The following POC1B variants were observed in gnomAD, a reference collection of about 807,000 sequenced individuals.
POC1B encodes POC1 centriolar protein homolog B.
A neutral mutation model predicts 60.6 loss-of-function variants in POC1B; 44 were observed. That is an observed-to-expected ratio of 0.73 (90% confidence interval 0.57 to 0.93). The LOEUF (loss-of-function observed/expected upper bound fraction) is 0.93. Ranked by LOEUF, POC1B falls within the 40% of genes least tolerant of loss-of-function variation. The probability of loss-of-function intolerance (pLI) is 0.00; values close to 1 mark genes in which losing one functional copy is unlikely to be tolerated. For synonymous variants in POC1B, 180 were observed against 198.9 expected, an observed-to-expected ratio of 0.90 and a Z score of 0.80; for missense variants, 555 against 572.3, an observed-to-expected ratio of 0.97 and a Z score of 0.31.
intron 10 of POC1B, among the ~76,000 whole-genome samples, chr12:89,452,818 C>T (rs915858389): frequency 2.6e-5 from 4 of 151,896 alleles, no homozygotes; most frequent in African/African-American, 9.7e-5. Flanking sequence ...GTTCCTTTAA[C>T]AAACTAAAAC....
chr12:89,450,802 T>C (rs1374605377), intron 10 of POC1B, among the ~76,000 whole-genome samples: 3 of 152,240 alleles, frequency 2.0e-5, no homozygotes, highest in Non-Finnish European at 2.9e-5. Context: ...CATCCTTGAA[T>C]AGAAATCTTT....
intron 10 of POC1B, among the ~76,000 whole-genome samples, chr12:89,430,405 G>A (rs1880980968): frequency 1.3e-5 from 2 of 152,036 alleles, no homozygotes; most frequent in South Asian, 2.1e-4. Flanking sequence ...GAAAATTTTC[G>A]CATTGCCAAA....
the POC1B span, among the ~76,000 whole-genome samples, chr12:89,408,052 C>A: frequency 6.6e-6 from 1 of 152,116 alleles, no homozygotes; most frequent in African/African-American, 2.4e-5. Flanking sequence ...TGAGAACATG[C>A]GGTGTTTGGT....
chr12:89,523,569 A>G (rs1871117860), intron 2 of POC1B: 53 of 1,592,314 alleles, frequency 3.3e-5, no homozygotes, highest in Non-Finnish European at 4.5e-5. Context: ...TTCCTGTGTC[A>G]TACGTTCCAA....
At chr12:89,413,720 C>T in the POC1B span, among the ~76,000 whole-genome samples, 1 of 152,002 alleles carries the variant, frequency 6.6e-6, no homozygotes, top group African/African-American at 2.4e-5. Flanking sequence ...TTAAGATACC[C>T]TTGGCCAAAA....
intron 10 of POC1B, among the ~76,000 whole-genome samples, chr12:89,452,871 A>C (rs1882110827): frequency 6.6e-6 from 1 of 152,128 alleles, no homozygotes; most frequent in African/African-American, 2.4e-5. Flanking sequence ...TTACAATCCC[A>C]AATCAATTTT....
At chr12:89,520,688 C>A (rs1870776202) in intron 2 of POC1B, 1 of 152,072 alleles carries the variant, frequency 6.6e-6, no homozygotes, top group Admixed American at 6.5e-5. Context: ...AAATGGTTAT[C>A]CTAAAGAATT....
At chr12:89,406,358 C>T in the POC1B span, among the ~76,000 whole-genome samples, 1 of 152,128 alleles carries the variant, frequency 6.6e-6, no homozygotes, top group Non-Finnish European at 1.5e-5. Flanking sequence ...TCTCGATACA[C>T]CATTTGAATA....
chr12:89,430,093 T>C (rs1406937093), intron 10 of POC1B, among the ~76,000 whole-genome samples: 2 of 152,198 alleles, frequency 1.3e-5, no homozygotes, highest in African/African-American at 4.8e-5. Context: ...GGTTGCCATC[T>C]TGAAGATGGG....
chr12:89,402,856 C>T, the POC1B span, among the ~76,000 whole-genome samples: 1 of 152,228 alleles, frequency 6.6e-6, no homozygotes, highest in East Asian at 1.9e-4. Flanking sequence ...TCTCAAGCCT[C>T]AGCCTCCTCC....
At chr12:89,498,262 G>T (rs1202707638) in intron 2 of POC1B, among the ~76,000 whole-genome samples, 1 of 152,102 alleles carries the variant, frequency 6.6e-6, no homozygotes, top group East Asian at 1.9e-4. Flanking sequence ...ATAGTTTAAG[G>T]ATTTACAAAA....
intron 2 of POC1B, chr12:89,523,113 A>C (rs1295985748): frequency 1.9e-6 from 3 of 1,613,778 alleles, no homozygotes; most frequent in Non-Finnish European, 2.5e-6. Flanking sequence ...TGCCTCCTTG[A>C]CCATGGCATC....
chr12:89,449,689 G>T (rs1881959905), intron 10 of POC1B, among the ~76,000 whole-genome samples: 1 of 151,932 alleles, frequency 6.6e-6, no homozygotes, highest in African/African-American at 2.4e-5. Flanking sequence ...ATAAGTAATA[G>T]GCAAGAACAT....
intron 2 of POC1B, among the ~76,000 whole-genome samples, chr12:89,505,811 A>C (rs2135753204): frequency 6.6e-6 from 1 of 152,326 alleles, no homozygotes; most frequent in East Asian, 1.9e-4. Flanking sequence ...GGACAGATCT[A>C]TTAGGAGGCT....
chr12:89,501,080 C>G, intron 2 of POC1B: 1 of 1,155,716 alleles, frequency 8.7e-7, no homozygotes, highest in Non-Finnish European at 1.3e-6. Context: ...AAGGCGGGGC[C>G]TCTGAAACAA....
chr12:89,465,726 G>A lies in POC1B; in HGVS notation c.1032+1044C>T, dbSNP rs144357971. ...ATACTTTAGAAGAACTGAAAAGATTGTCAGAAGTTGGAAAAGACAAAGATT... is the reference window on the plus strand; with the variant it reads ...ATACTTTAGAAGAACTGAAAAGATTATCAGAAGTTGGAAAAGACAAAGATT... On this transcript the variant is annotated intron_variant, in intron 9 of 11. Coordinates refer to ENST00000313546, the MANE Select transcript of POC1B (RefSeq NM_172240.3). 3.9e-5 allele frequency among the ~76,000 whole-genome samples: 6 copies of A among 152,220 alleles called. No individual in the cohort carries two copies. The South Asian group carries it at 1.0e-3, about 26-fold the overall frequency.
chr12:89,484,164 T>C (rs1045447566), intron 4 of POC1B, among the ~76,000 whole-genome samples: 2 of 152,092 alleles, frequency 1.3e-5, no homozygotes, highest in Non-Finnish European at 2.9e-5. Flanking sequence ...ATAAAATAGA[T>C]GAGTAGAATA....
At chr12:89,464,514 G>T (rs1168762766) in intron 9 of POC1B, among the ~76,000 whole-genome samples, 1 of 122,988 alleles carries the variant, frequency 8.1e-6, no homozygotes, top group Admixed American at 9.8e-5. Context: ...TTGAGACGGA[G>T]TCTTGCCCTG....
chr12:89,503,947 G>C (rs1291656181), intron 2 of POC1B, among the ~76,000 whole-genome samples: 1 of 151,498 alleles, frequency 6.6e-6, no homozygotes, highest in Non-Finnish European at 1.5e-5. Context: ...GGGAAGTGAG[G>C]AGCGTCTCCG....
Sources: gnomAD v4.1 joint callset for allele counts (sites outside exome capture counted in the v4.1 genomes callset) on GRCh38, gnomAD v4.1.1 for gene constraint, MANE v1.5 for transcripts, NCBI Gene and HGNC (gene_info 2026-07-23, HGNC 2026-07-21) for gene names.